The following PCTP variants were observed in gnomAD, a reference collection of about 807,000 sequenced individuals.
PCTP encodes phosphatidylcholine transfer protein, also known as START domain-containing protein 2.
Under a neutral mutation model 31.0 loss-of-function variants are expected in PCTP, and 27 were observed. That is an observed-to-expected ratio of 0.87 (90% CI 0.64 to 1.20). The LOEUF is 1.20. Ranked by LOEUF, PCTP falls within the 50% of genes most tolerant of loss-of-function variation. The probability of loss-of-function intolerance (pLI) is 0.00; values close to 1 mark genes in which losing one functional copy is unlikely to be tolerated. For synonymous variants in PCTP, 108 were observed against 101.2 expected (o/e 1.07, Z -0.40); for missense variants, 287 against 268.2 (o/e 1.07, Z -0.49).
intron 2 of PCTP, 88 bp from the exon 3 acceptor site, chr17:55,771,018 C>A: frequency 1.0e-6 from 1 of 963,568 alleles, no homozygotes; most frequent in Non-Finnish European, 1.7e-6. Context: ...CAGGCATGAG[C>A]CACCATGCTT....
chr17:55,792,973 T>C (rs891677168), intron 3 of PCTP, among the ~76,000 whole-genome samples: 1 of 152,000 alleles, frequency 6.6e-6, no homozygotes, highest in Non-Finnish European at 1.5e-5. Context: ...CAACATATAC[T>C]CCAGTCCAAA....
At chr17:55,839,535 C>T (rs1905890067) in intron 5 of PCTP, among the ~76,000 whole-genome samples, 1 of 151,162 alleles carries the variant, frequency 6.6e-6, no homozygotes, top group Non-Finnish European at 1.5e-5. Flanking sequence ...AAAGTTTCTC[C>T]AGGGGATTCT....
intron 3 of PCTP, among the ~76,000 whole-genome samples, chr17:55,789,036 G>A (rs1911855653): frequency 2.6e-5 from 4 of 152,114 alleles, no homozygotes; most frequent in Admixed American, 2.6e-4. Context: ...GTCATTTAAT[G>A]TATTTGAGCC....
chr17:55,840,562 C>T (rs1217803617), intron 5 of PCTP, among the ~76,000 whole-genome samples: 1 of 152,156 alleles, frequency 6.6e-6, no homozygotes, highest in Non-Finnish European at 1.5e-5. Flanking sequence ...TGGACAACTA[C>T]AATCCAAAAA....
intron 3 of PCTP, among the ~76,000 whole-genome samples, chr17:55,821,858 C>T (rs1210482326): frequency 5.3e-5 from 8 of 152,118 alleles, no homozygotes; most frequent in Non-Finnish European, 1.0e-4. Flanking sequence ...GTGACCAACA[C>T]GAAACAGTAG....
chr17:55,757,353 T>C (rs780477545), intron 1 of PCTP, among the ~76,000 whole-genome samples: 2 of 151,344 alleles, frequency 1.3e-5, no homozygotes, highest in African/African-American at 4.9e-5. Context: ...CACACTGAAG[T>C]TTGAGAACCA....
In PCTP at chr17:55,776,861, G is replaced by C. The variant is rs964482126; in HGVS notation, c.*761G>C. On this transcript the variant is annotated 3_prime_UTR_variant, in exon 6 of 6. Transcript: ENST00000268896. The stretch of plus-strand genomic sequence containing the variant: ...TATGTCACTGGGGGAAAGGCTGCCT[G>C]TACCTCTCAAGCTTTGCATTTTACT... The C allele has an allele frequency of 1.0e-6, 1 of 1,000,052 alleles. No individual in the cohort carries two copies. Among genetic ancestry groups the C allele is most frequent in the Non-Finnish European group, 1.2e-6 (1 of 840,168 alleles). The allele number at this position is 1,000,052 out of a possible 1,614,324, so 61.9% of individuals were successfully genotyped here. A position where few individuals can be genotyped will look rare whatever the true frequency, so the allele number is the denominator to read the frequency against.
intron 1 of PCTP, among the ~76,000 whole-genome samples, chr17:55,764,727 A>T (rs1009678770): frequency 6.6e-6 from 1 of 152,208 alleles, no homozygotes; most frequent in Non-Finnish European, 1.5e-5. Flanking sequence ...AAGATTCAGC[A>T]TGTTTATTCC....
chr17:55,803,882 T>G (rs565174240), intron 3 of PCTP, among the ~76,000 whole-genome samples: 1 of 144,690 alleles, frequency 6.9e-6, no homozygotes, highest in Admixed American at 6.7e-5. Context: ...ACTAAAGAGC[T>G]TCTGCAGAGC....
At chr17:55,802,235 A>G (rs1912409475) in intron 3 of PCTP, among the ~76,000 whole-genome samples, 1 of 152,188 alleles carries the variant, frequency 6.6e-6, no homozygotes, top group South Asian at 2.1e-4. Context: ...TAGCCTACCA[A>G]CCAAAAAAAG....
At chr17:55,849,933 A>T in the PCTP span, among the ~76,000 whole-genome samples, 1 of 152,176 alleles carries the variant, frequency 6.6e-6, no homozygotes, top group African/African-American at 2.4e-5. Flanking sequence ...ATGTAATTTG[A>T]CATATTACAG....
chr17:55,835,297 T>C (rs956202867), intron 5 of PCTP, among the ~76,000 whole-genome samples: 6 of 152,188 alleles, frequency 3.9e-5, no homozygotes, highest in African/African-American at 7.2e-5. Flanking sequence ...ACAGTATTCT[T>C]TAGCCCTTTC....
intron 1 of PCTP, 70 bp downstream of exon 1, chr17:55,751,314 C>T: frequency 1.3e-6 from 2 of 1,514,646 alleles, no homozygotes; most frequent in African/African-American, 1.4e-5. Context: ...GCAGGGAGTG[C>T]GGGGCGGCAG....
chr17:55,820,261 A>G (rs1158275939), intron 3 of PCTP, among the ~76,000 whole-genome samples: 2 of 152,246 alleles, frequency 1.3e-5, no homozygotes, highest in Non-Finnish European at 2.9e-5. Context: ...ATTTCTGCAA[A>G]TCATATATCT....
At chr17:55,773,978 C>T in intron 4 of PCTP, 83 bp downstream of exon 4, 2 of 1,426,772 alleles carry the variant, frequency 1.4e-6, no homozygotes, top group Non-Finnish European at 1.9e-6. Context: ...ATGTCGAGTA[C>T]ATGAAGCGTA....
At chr17:55,818,156 G>A (rs1033644655) in intron 3 of PCTP, among the ~76,000 whole-genome samples, 2 of 152,212 alleles carry the variant, frequency 1.3e-5, no homozygotes, top group Non-Finnish European at 2.9e-5. Flanking sequence ...GTTCACAGTT[G>A]CATGGGGGAG....
intron 3 of PCTP, among the ~76,000 whole-genome samples, chr17:55,797,496 C>G (rs1362926422): frequency 6.6e-6 from 1 of 151,922 alleles, no homozygotes; most frequent in Non-Finnish European, 1.5e-5. Flanking sequence ...TCTGTTGGTA[C>G]CAGGGTTAAT....
rs555652307 is a variant in PCTP at position 55,765,716 on chromosome 17, C to T, written c.142-1619C>T. On this transcript the variant is annotated intron_variant, in intron 1 of 5. Coordinates refer to ENST00000268896, the MANE Select transcript of PCTP (RefSeq NM_021213.4). ...AATTACGAATCAGATCTGGTCATCC[C>T]TCTGTTTAAAGCCATCCATTAGTTT... is the stretch of plus-strand genomic sequence containing the variant. 1.1e-4 allele frequency among the ~76,000 whole-genome samples: 16 copies of T among 152,280 alleles called. No individual in the cohort carries two copies. The South Asian group carries it at 2.5e-3, about 24-fold the overall frequency.
At chr17:55,808,532 C>T (rs116894911) in intron 3 of PCTP, among the ~76,000 whole-genome samples, 70 of 152,330 alleles carry the variant, frequency 4.6e-4, no homozygotes, top group Non-Finnish European at 9.0e-4. Flanking sequence ...ACACTGGCCA[C>T]TGGCCTTCTT....
Sources: gnomAD v4.1 joint callset for allele counts (sites outside exome capture counted in the v4.1 genomes callset) on GRCh38, gnomAD v4.1.1 for gene constraint, MANE v1.5 for transcripts, NCBI Gene and HGNC (gene_info 2026-07-23, HGNC 2026-07-21) for gene names.